Variants in SLCO1B1 observed in about 807,000 individuals in gnomAD.
SLCO1B1 encodes OATP-2.
SLCO1B1 carries 81 observed loss-of-function variants against 70.1 expected under a neutral mutation model. The observed-to-expected ratio is 1.16, with a 90% CI of 0.97 to 1.39. SLCO1B1 has a LOEUF of 1.39. Ranked by LOEUF, SLCO1B1 falls within the 40% of genes most tolerant of loss-of-function variation. SLCO1B1 has a pLI of 0.00. For missense variants in SLCO1B1, 895 were observed against 799.6 expected (o/e 1.12, Z -1.44); for synonymous variants, 283 against 271.5 (o/e 1.04, Z -0.42).
At position 21,149,776 on chromosome 12, in the gene SLCO1B1, G is replaced by C. The variant is rs572960650; in HGVS notation, c.84+8118G>C. The stretch of plus-strand genomic sequence containing the variant: ...GTTGCAAGCACAAAACTGGGTGGCT[G>C]TTTGGGCAGACACTGAGATAGCTGC... On this transcript the variant is annotated intron_variant, in intron 2 of 14. Transcript: ENST00000256958. 1.8e-4 allele frequency among the ~76,000 whole-genome samples: 28 copies of C among 152,316 alleles called. 1 individual carries two copies. In the South Asian group the frequency reaches 4.1e-3, roughly 23 times the overall value.
intron 2 of SLCO1B1, among the ~76,000 whole-genome samples, chr12:21,143,374 T>C (rs1940337717): frequency 6.6e-6 from 1 of 152,084 alleles, no homozygotes; most frequent in African/African-American, 2.4e-5. Context: ...GATTTAGAGA[T>C]ATCTCTGTAG....
intron 1 of SLCO1B1, among the ~76,000 whole-genome samples, chr12:21,134,715 C>A (rs1383232450): frequency 1.3e-5 from 2 of 151,930 alleles, no homozygotes; most frequent in African/African-American, 4.8e-5. Flanking sequence ...CTATTTGATT[C>A]TTCTCTGTTT....
chr12:21,162,098 G>A (rs1017915821), intron 2 of SLCO1B1, among the ~76,000 whole-genome samples: 2 of 151,552 alleles, frequency 1.3e-5, no homozygotes, highest in Non-Finnish European at 2.9e-5. Context: ...AGAAAAATAA[G>A]TCATATGATA....
At chr12:21,180,700 A>G (rs1940885145) in intron 7 of SLCO1B1, among the ~76,000 whole-genome samples, 1 of 152,186 alleles carries the variant, frequency 6.6e-6, no homozygotes, top group Non-Finnish European at 1.5e-5. Flanking sequence ...AAAATGTTTT[A>G]CATGTTCAAT....
At chr12:21,188,417 T>C (rs914163587) in intron 7 of SLCO1B1, among the ~76,000 whole-genome samples, 5 of 152,162 alleles carry the variant, frequency 3.3e-5, no homozygotes, top group Non-Finnish European at 5.9e-5. Flanking sequence ...TTAAGAATAC[T>C]ATATATAATA....
intron 14 of SLCO1B1, among the ~76,000 whole-genome samples, chr12:21,225,938 C>T (rs1941477498): frequency 6.6e-6 from 1 of 152,188 alleles, no homozygotes; most frequent in Non-Finnish European, 1.5e-5. Context: ...CCACAAAAAC[C>T]TGCACTTGCA....
At chr12:21,151,128 T>C (rs951202063) in intron 2 of SLCO1B1, among the ~76,000 whole-genome samples, 1 of 152,204 alleles carries the variant, frequency 6.6e-6, no homozygotes, top group African/African-American at 2.4e-5. Context: ...ACCTGTACAT[T>C]ATTGTAGTTT....
chr12:21,169,363 T>C (rs937042337), intron 2 of SLCO1B1, among the ~76,000 whole-genome samples: 1 of 152,160 alleles, frequency 6.6e-6, no homozygotes, highest in Non-Finnish European at 1.5e-5. Flanking sequence ...GGTATTCCCA[T>C]AATGCATATG....
chr12:21,148,741 T>A (rs1398928281), intron 2 of SLCO1B1, among the ~76,000 whole-genome samples: 1 of 151,506 alleles, frequency 6.6e-6, no homozygotes, highest in African/African-American at 2.4e-5. Flanking sequence ...TTAAAGTAGT[T>A]TTTTCCAATT....
intron 2 of SLCO1B1, among the ~76,000 whole-genome samples, chr12:21,160,185 A>G (rs2121076128): frequency 6.6e-6 from 1 of 152,162 alleles, no homozygotes; most frequent in African/African-American, 2.4e-5. Context: ...TCTAAGCAAA[A>G]AGAATAAAGC....
intron 2 of SLCO1B1, among the ~76,000 whole-genome samples, chr12:21,166,082 T>TA (rs1330941426): frequency 6.6e-6 from 1 of 151,182 alleles, no homozygotes. Context: ...GCATAACAAT[T>TA]ACAGTAGTTC....
chr12:21,211,684 C>T (rs915888027), intron 11 of SLCO1B1, among the ~76,000 whole-genome samples: 8 of 152,026 alleles, frequency 5.3e-5, no homozygotes, highest in Admixed American at 1.3e-4. Flanking sequence ...GTGAATCCAT[C>T]TGGTCCTGGA....
chr12:21,183,979 AAG>A (rs1489405544), intron 7 of SLCO1B1, among the ~76,000 whole-genome samples: 1 of 152,118 alleles, frequency 6.6e-6, no homozygotes, highest in Non-Finnish European at 1.5e-5. Context: ...GAACATACCA[AAG>A]AGAGAAAAGA....
chr12:21,210,490 GTGT>G (rs1244604393), intron 11 of SLCO1B1, among the ~76,000 whole-genome samples: 1 of 108,394 alleles, frequency 9.2e-6, no homozygotes, highest in Non-Finnish European at 1.9e-5. Flanking sequence ...AAGTCAGGTA[GTGT>G]GATGATGCCT....
chr12:21,165,628 T>C (rs1940674870), intron 2 of SLCO1B1, among the ~76,000 whole-genome samples: 1 of 152,182 alleles, frequency 6.6e-6, no homozygotes. Flanking sequence ...AATGTGATAG[T>C]ATTTGGGAGT....
chr12:21,218,596 A>G (rs1485560946), intron 12 of SLCO1B1, among the ~76,000 whole-genome samples: 2 of 147,340 alleles, frequency 1.4e-5, no homozygotes, highest in African/African-American at 4.9e-5. Context: ...ATATAGCTCC[A>G]TCTTAATATA....
At chr12:21,237,921 G>A (rs943861129) in intron 14 of SLCO1B1, among the ~76,000 whole-genome samples, 1 of 152,006 alleles carries the variant, frequency 6.6e-6, no homozygotes, top group East Asian at 1.9e-4. Flanking sequence ...CACCATGTTG[G>A]TCAGGCTGGT....
intron 7 of SLCO1B1, among the ~76,000 whole-genome samples, chr12:21,185,391 A>G (rs964927275): frequency 3.3e-5 from 5 of 152,104 alleles, no homozygotes; most frequent in Non-Finnish European, 7.4e-5. Context: ...AAAAATTAAA[A>G]GATTTTGAGT....
At chr12:21,159,077 A>G (rs1940578873) in intron 2 of SLCO1B1, among the ~76,000 whole-genome samples, 2 of 152,192 alleles carry the variant, frequency 1.3e-5, no homozygotes, top group South Asian at 4.1e-4. Flanking sequence ...TATAAAAGTT[A>G]TGAGATGCTG....
Sources: allele counts gnomAD v4.1 joint callset (sites outside exome capture counted in the v4.1 genomes callset), GRCh38; gene constraint gnomAD v4.1.1; transcripts MANE v1.5; gene names NCBI Gene and HGNC (gene_info 2026-07-23, HGNC 2026-07-21).